The following PLA2R1 variants were observed in gnomAD, a reference collection of about 807,000 sequenced individuals.
The protein encoded by PLA2R1 is phospholipase A2 receptor 1.
In PLA2R1, 158 loss-of-function variants were observed where a neutral mutation model predicts 195.9. That is an observed-to-expected ratio of 0.81 (90% CI 0.71 to 0.92). The LOEUF (loss-of-function observed/expected upper bound fraction) is 0.92, where lower values mean the gene tolerates loss of function less well. Ranked by LOEUF, PLA2R1 falls within the 40% of genes least tolerant of loss-of-function variation. PLA2R1 has a pLI of 0.00. For synonymous variants in PLA2R1, 586 were observed against 598.2 expected (o/e 0.98, Z 0.30); for missense variants, 1,626 against 1,764.6 (o/e 0.92, Z 1.41).
intron 17 of PLA2R1, among the ~76,000 whole-genome samples, chr2:159,973,148 C>T (rs938594974): frequency 3.9e-5 from 6 of 152,106 alleles, no homozygotes; most frequent in Non-Finnish European, 5.9e-5. Context: ...CTCTACACAT[C>T]TTGCTCCTCA....
chr2:159,976,215 C>G lies in PLA2R1; in HGVS notation c.2448G>C (p.Trp816Cys). Residue 816 changes from tryptophan to cysteine, a missense_variant, in exon 17 of 30, where the codon TGG becomes TGC. Physicochemically the swap from Trp to Cys is radical, Grantham distance 215 (BLOSUM62 -2). Transcript: ENST00000283243. ...GGTATTCTGCATCCTGATAAAAGAG[C>G]CAGGGTACATCTGAAAAAGAAACAG... ...IPFWYQYDVP[W>C]LFYQDAEYLF... 2.5e-6 allele frequency: 4 copies of G among 1,603,946 alleles called. No individual in the cohort carries two copies. Among genetic ancestry groups the G allele is most frequent in the Non-Finnish European group, 3.4e-6 (4 of 1,173,954 alleles).
At chr2:159,945,283 G>A (rs1560130952) in intron 27 of PLA2R1, among the ~76,000 whole-genome samples, 1 of 151,866 alleles carries the variant, frequency 6.6e-6, no homozygotes, top group Admixed American at 6.6e-5. Context: ...GTGACATGCT[G>A]GTGCGCTGCA....
Position 160,044,958 on chromosome 2 carries a change from T to A in PLA2R1, c.309A>T (p.Leu103Phe), listed in dbSNP as rs200441878. The change falls in exon 2 of 30, where the codon TTA becomes TTT. Residue 103 changes from leucine to phenylalanine, a missense_variant. Physicochemically the swap from Leu to Phe is conservative, Grantham distance 22 (BLOSUM62 0). Coordinates refer to ENST00000283243, the MANE Select transcript of PLA2R1 (RefSeq NM_007366.5). ...AAACGAGGGTGGAGTCACATTCATA[T>A]AAGCTTAATGGCTGCTCTGGGGCGG... ...NFSAPEQPLS[L>F]YECDSTLVSL... The A allele has an allele frequency of 6.2e-7, 1 of 1,614,150 alleles. No individual in the cohort carries two copies. Among genetic ancestry groups the A allele is most frequent in the East Asian group, 2.2e-5 (1 of 44,878 alleles).
intron 1 of PLA2R1, among the ~76,000 whole-genome samples, chr2:160,052,631 G>T (rs774214588): frequency 2.0e-4 from 31 of 152,262 alleles, no homozygotes; most frequent in Non-Finnish European, 4.4e-4. Flanking sequence ...AGTCAAAAGG[G>T]TGCCTCATTA....
At chr2:159,947,932 A>G (rs1392162525) in intron 25 of PLA2R1, among the ~76,000 whole-genome samples, 2 of 152,368 alleles carry the variant, frequency 1.3e-5, no homozygotes, top group Non-Finnish European at 1.5e-5. Context: ...AGAGATTTCC[A>G]AATGTATGCA....
At chr2:159,985,264 T>C (rs929905314) in intron 12 of PLA2R1, among the ~76,000 whole-genome samples, 3 of 152,230 alleles carry the variant, frequency 2.0e-5, no homozygotes, top group Non-Finnish European at 4.4e-5. Flanking sequence ...TGTAGGATTA[T>C]ACATGTGTAC....
chr2:160,062,188 C>G, intron 1 of PLA2R1, 107 bp downstream of exon 1: 1 of 904,592 alleles, frequency 1.1e-6, no homozygotes, highest in Non-Finnish European at 1.6e-6. Context: ...CGCGGCCGCC[C>G]TTGCCCGCCA....
chr2:160,058,027 C>T (rs1009365345), intron 1 of PLA2R1, among the ~76,000 whole-genome samples: 2 of 152,062 alleles, frequency 1.3e-5, no homozygotes, highest in African/African-American at 2.4e-5. Flanking sequence ...CTTTGTGAAA[C>T]TGAGCCCCAG....
rs545379489 is a variant in PLA2R1 at position 159,934,029 on chromosome 2, C to T, written c.*7749G>A. 1 of 152,258 alleles carries T rather than the reference C, an allele frequency of 6.6e-6. No individual in the cohort carries two copies. The highest frequency in any genetic ancestry group is 2.1e-4 in the South Asian group (1 of 4,822). 9.4% of individuals were successfully genotyped at this position (152,258 alleles called of 1,614,324 possible). ...GGATTTGGCCCTGCCAACTCCTGCT[C>T]TAAATCCTTATTTTGAAAGGTGGGG... On this transcript the variant is annotated 3_prime_UTR_variant, in exon 30 of 30. Coordinates refer to ENST00000283243, the MANE Select transcript of PLA2R1 (RefSeq NM_007366.5).
At position 159,938,884 on chromosome 2, in the gene PLA2R1, C is replaced by A. The variant is rs890171801; in HGVS notation, c.*2894G>T. On this transcript the variant is annotated 3_prime_UTR_variant, in exon 30 of 30. Coordinates refer to ENST00000283243, the MANE Select transcript of PLA2R1 (RefSeq NM_007366.5). The stretch of plus-strand genomic sequence containing the variant: ...ACCCTTCAAGAGAAGAAATATTTAA[C>A]CCGAAAGAAGACTGTTGTAACTGTA... 2 of 152,074 alleles carry A rather than the reference C, an allele frequency of 1.3e-5. No individual in the cohort carries two copies. Among genetic ancestry groups the A allele is most frequent in the Non-Finnish European group, 2.9e-5 (2 of 68,022 alleles). 9.4% of individuals were successfully genotyped at this position (152,074 alleles called of 1,614,324 possible). A position where few individuals can be genotyped will look rare whatever the true frequency, so the allele number is the denominator to read the frequency against.
At chr2:160,017,650 C>T (rs1218174037) in intron 8 of PLA2R1, among the ~76,000 whole-genome samples, 1 of 152,176 alleles carries the variant, frequency 6.6e-6, no homozygotes, top group African/African-American at 2.4e-5. Flanking sequence ...TTGAAGGCTA[C>T]TCTCAGATCT....
chr2:160,043,006 T>C (rs1414407073), intron 2 of PLA2R1, among the ~76,000 whole-genome samples: 1 of 151,452 alleles, frequency 6.6e-6, no homozygotes, highest in Admixed American at 6.6e-5. Flanking sequence ...AAAGAGGTGA[T>C]CCAGCAGAAG....
chr2:159,948,424 C>T (rs368190866), intron 25 of PLA2R1, among the ~76,000 whole-genome samples: 7 of 147,992 alleles, frequency 4.7e-5, no homozygotes, highest in African/African-American at 1.0e-4. Context: ...TTTTTTTTAA[C>T]GAGTCTCACT....
intron 23 of PLA2R1, among the ~76,000 whole-genome samples, chr2:159,954,080 C>T (rs866327050): frequency 6.6e-5 from 10 of 152,154 alleles, no homozygotes; most frequent in African/African-American, 1.7e-4. Flanking sequence ...TCAATCCACC[C>T]GCCTTGGTCC....
chr2:160,002,120 T>C (rs1466137562), intron 11 of PLA2R1, among the ~76,000 whole-genome samples: 2 of 151,742 alleles, frequency 1.3e-5, no homozygotes. Flanking sequence ...TTGACCACAG[T>C]GCAATTAAAT....
Position 159,956,550 on chromosome 2 carries a change from T to A in PLA2R1, c.2982A>T (p.Glu994Asp). Residue 994 changes from glutamate (E) to aspartate (D), a missense_variant, in exon 21 of 30, where the codon GAA becomes GAT. Transcript: ENST00000283243. ...TTTCAATGGCGACCAGGGTCCCCCC[T>A]TCTTCAGCACAGAAATGTTGAGCAT... is the stretch of plus-strand genomic sequence containing the variant. ...WTHAQHFCAEEGGTLVAIESE... is the reference protein window; with the variant it reads ...WTHAQHFCAEDGGTLVAIESE... The A allele has an allele frequency of 6.2e-7, 1 of 1,613,658 alleles. No homozygotes were observed. The highest frequency in any genetic ancestry group is 8.5e-7 in the Non-Finnish European group (1 of 1,179,588).
rs1686690227 is a variant in PLA2R1, at chr2:159,933,819, AT to A, written c.*7958del. ...CCCCATTTAGGTTTTCACTTTCTAA[AT>A]CAGGGGTTGGCAAACTTCCTGTAAG... is the stretch of plus-strand genomic sequence containing the variant. On this transcript the variant is annotated 3_prime_UTR_variant, in exon 30 of 30. Coordinates refer to ENST00000283243, the MANE Select transcript of PLA2R1 (RefSeq NM_007366.5). 2 of 152,194 alleles carry A rather than the reference AT, an allele frequency of 1.3e-5. No homozygotes were observed. The highest frequency in any genetic ancestry group is 4.1e-4 in the South Asian group (2 of 4,832). The allele number at this position is 152,194 out of a possible 1,614,324, so 9.4% of individuals were successfully genotyped here. A position where few individuals can be genotyped will look rare whatever the true frequency, so the allele number is the denominator to read the frequency against.
intron 20 of PLA2R1, among the ~76,000 whole-genome samples, chr2:159,966,023 C>G (rs1688765411): frequency 6.6e-6 from 1 of 152,128 alleles, no homozygotes; most frequent in Non-Finnish European, 1.5e-5. Context: ...AAAAGTCACA[C>G]AATTTTGTTA....
chr2:160,004,598 G>C (rs967522238), intron 11 of PLA2R1, among the ~76,000 whole-genome samples: 1 of 152,160 alleles, frequency 6.6e-6, no homozygotes, highest in African/African-American at 2.4e-5. Context: ...GGAAGAGCCT[G>C]GGGCCCCTAA....
Sources: gnomAD v4.1 joint callset for allele counts (sites outside exome capture counted in the v4.1 genomes callset) on GRCh38, gnomAD v4.1.1 for gene constraint, MANE v1.5 for transcripts, NCBI Gene and HGNC (gene_info 2026-07-23, HGNC 2026-07-21) for gene names.